The following CAMK2A variants were observed in gnomAD, a reference collection of about 807,000 sequenced individuals.
The protein encoded by CAMK2A is calcium/calmodulin dependent protein kinase II alpha, also known as calcium/calmodulin-dependent protein kinase type II subunit alpha.
CAMK2A carries 7 observed loss-of-function variants against 79.2 expected under a neutral mutation model. The observed-to-expected ratio is 0.09, with a 90% CI of 0.05 to 0.17. The LOEUF is 0.17. Ranked by LOEUF, CAMK2A falls within the 10% of genes least tolerant of loss-of-function variation. CAMK2A has a pLI of 1.00. For synonymous variants in CAMK2A, 242 were observed against 251.7 expected (o/e 0.96, Z 0.36); for missense variants, 214 against 646.4 (o/e 0.33, Z 7.25).
At chr5:150,282,533 G>A (rs1018172349) in intron 1 of CAMK2A, among the ~76,000 whole-genome samples, 8 of 152,214 alleles carry the variant, frequency 5.3e-5, no homozygotes, top group South Asian at 4.1e-4. Flanking sequence ...AGGTCCAAGC[G>A]TCAAAGAGAG....
chr5:150,247,362 G>A (rs997653066), intron 12 of CAMK2A, among the ~76,000 whole-genome samples: 1 of 152,230 alleles, frequency 6.6e-6, no homozygotes, highest in Non-Finnish European at 1.5e-5. Context: ...GCCTTGTCAT[G>A]TAGGCCACCT....
chr5:150,267,477 G>A (rs545592069), intron 2 of CAMK2A, among the ~76,000 whole-genome samples: 2 of 152,366 alleles, frequency 1.3e-5, no homozygotes, highest in South Asian at 2.1e-4. Flanking sequence ...CCATGCAACT[G>A]TAAACTTGTA....
At chr5:150,275,913 C>A (rs1343859316) in intron 1 of CAMK2A, among the ~76,000 whole-genome samples, 1 of 152,174 alleles carries the variant, frequency 6.6e-6, no homozygotes, top group African/African-American at 2.4e-5. Context: ...CAATCCCCAG[C>A]CCCCCTCCCC....
At chr5:150,260,894 A>G (rs547931177) in intron 3 of CAMK2A, among the ~76,000 whole-genome samples, 3 of 152,204 alleles carry the variant, frequency 2.0e-5, no homozygotes, top group East Asian at 1.9e-4. Flanking sequence ...ACCCTCTCCT[A>G]TTCTTTCTGG....
intron 18 of CAMK2A, 26 bp downstream of exon 18, chr5:150,222,963 G>T (rs1316732698): frequency 6.3e-7 from 1 of 1,596,118 alleles, no homozygotes; most frequent in Non-Finnish European, 8.6e-7. Context: ...ACATTACCCT[G>T]GGAGGCAGGA....
intron 1 of CAMK2A, among the ~76,000 whole-genome samples, chr5:150,283,663 T>C (rs1039315894): frequency 1.3e-5 from 2 of 152,224 alleles, no homozygotes; most frequent in Non-Finnish European, 2.9e-5. Flanking sequence ...TCCATGTGTG[T>C]GGCCAAAGCC....
chr5:150,275,347 C>T (rs1756904803), intron 1 of CAMK2A, among the ~76,000 whole-genome samples: 1 of 152,100 alleles, frequency 6.6e-6, no homozygotes, highest in African/African-American at 2.4e-5. Flanking sequence ...TTTCTTCCAT[C>T]ATTCCCATGC....
chr5:150,262,168 C>T (rs1756329818), intron 3 of CAMK2A, among the ~76,000 whole-genome samples: 1 of 152,144 alleles, frequency 6.6e-6, no homozygotes, highest in African/African-American at 2.4e-5. Context: ...GACCTGGTCC[C>T]CTGGGGACTG....
chr5:150,252,523 T>C (rs1447873592), intron 7 of CAMK2A, among the ~76,000 whole-genome samples: 1 of 152,210 alleles, frequency 6.6e-6, no homozygotes, highest in Non-Finnish European at 1.5e-5. Flanking sequence ...TCGGGAGGCC[T>C]GTCCTAACTG....
Position 150,256,518 on chromosome 5 carries a change from G to T in CAMK2A, c.411+55C>A, listed in dbSNP as rs561595940. 118 of 1,182,740 alleles carry T rather than the reference G, an allele frequency of 1.0e-4. No homozygotes were observed. In the South Asian group the frequency reaches 1.4e-3, roughly 14 times the overall value. The allele number at this position is 1,182,740 out of a possible 1,614,324, so 73.3% of individuals were successfully genotyped here. A position where few individuals can be genotyped will look rare whatever the true frequency, so the allele number is the denominator to read the frequency against. On this transcript the variant is annotated intron_variant, in intron 6 of 18. Coordinates refer to ENST00000671881, the MANE Select transcript of CAMK2A (RefSeq NM_015981.4). The surrounding 1 kb of genome is among the most constrained non-coding windows in gnomAD (Gnocchi z 4.6). Reference sequence around the variant, plus strand: ...TGTCCAGCTCTGCAGGATTAGGGACGTGCAGAGGAGAGAGGGGCTCCCGGG... The same window carrying T: ...TGTCCAGCTCTGCAGGATTAGGGACTTGCAGAGGAGAGAGGGGCTCCCGGG...
chr5:150,273,661 G>A (rs1056249794), intron 1 of CAMK2A, among the ~76,000 whole-genome samples: 14 of 152,048 alleles, frequency 9.2e-5, no homozygotes, highest in Non-Finnish European at 1.5e-4. Flanking sequence ...TCCCACACAC[G>A]AATGGACTGG....
chr5:150,222,843 C>A, intron 18 of CAMK2A, 130 bp from the exon 19 acceptor site: 6 of 1,387,932 alleles, frequency 4.3e-6, no homozygotes, highest in Non-Finnish European at 5.1e-6. Flanking sequence ...CCCAGACCTG[C>A]AGGCCTGGCC....
chr5:150,273,966 G>A (rs1210131429), intron 1 of CAMK2A, among the ~76,000 whole-genome samples: 1 of 152,162 alleles, frequency 6.6e-6, no homozygotes. Flanking sequence ...CTGGTCAAGG[G>A]GTAGGTGTTG....
chr5:150,260,167 T>C (rs1562176886), intron 3 of CAMK2A, among the ~76,000 whole-genome samples: 2 of 150,724 alleles, frequency 1.3e-5, no homozygotes, highest in Admixed American at 1.3e-4. Context: ...AAAGTGTAAA[T>C]GTGTATTGGC....
At chr5:150,251,525 G>A (rs1755832787) in intron 9 of CAMK2A, among the ~76,000 whole-genome samples, 1 of 152,180 alleles carries the variant, frequency 6.6e-6, no homozygotes, top group African/African-American at 2.4e-5. Flanking sequence ...GGCTTGGGAG[G>A]CGCCTCTCCC....
chr5:150,258,634 G>A (rs1756165228), intron 3 of CAMK2A, among the ~76,000 whole-genome samples: 1 of 152,222 alleles, frequency 6.6e-6, no homozygotes, highest in East Asian at 1.9e-4. Flanking sequence ...CACTGAGGGT[G>A]CCTCTGGGGA....
intron 2 of CAMK2A, among the ~76,000 whole-genome samples, chr5:150,270,020 C>T (rs1398151758): frequency 2.0e-5 from 3 of 152,170 alleles, no homozygotes; most frequent in Non-Finnish European, 4.4e-5. Context: ...GGTCACAGTG[C>T]CCAGGCCAGT....
At chr5:150,236,000 G>T (rs909959197) in intron 15 of CAMK2A, among the ~76,000 whole-genome samples, 3 of 152,092 alleles carry the variant, frequency 2.0e-5, no homozygotes, top group Admixed American at 2.0e-4. Flanking sequence ...CAGGAAACAG[G>T]GTCCCAGTCC....
At chr5:150,241,352 T>C (rs1755327538) in intron 13 of CAMK2A, among the ~76,000 whole-genome samples, 1 of 134,082 alleles carries the variant, frequency 7.5e-6, no homozygotes, top group African/African-American at 3.3e-5. Context: ...CTCTCCTCCT[T>C]CCTCTTTTCT....
Sources: allele counts gnomAD v4.1 joint callset (sites outside exome capture counted in the v4.1 genomes callset), GRCh38; gene constraint gnomAD v4.1.1; non-coding constraint Gnocchi (gnomAD v3.1); transcripts MANE v1.5; gene names NCBI Gene and HGNC (gene_info 2026-07-23, HGNC 2026-07-21).